TTBK2: variants seen among roughly 807,000 people sequenced by gnomAD.
The protein encoded by TTBK2 is tau-tubulin kinase 2.
Under a neutral mutation model 110.8 loss-of-function variants are expected in TTBK2, and 28 were observed. That is an observed-to-expected ratio of 0.25 (90% CI 0.19 to 0.35). The LOEUF (loss-of-function observed/expected upper bound fraction) is 0.35. Ranked by LOEUF, TTBK2 falls within the 10% of genes least tolerant of loss-of-function variation. The pLI is 1.00. For missense variants in TTBK2, 1,369 were observed against 1,500.3 expected (o/e 0.91, Z 1.45); for synonymous variants, 532 against 527.3 (o/e 1.01, Z -0.12).
intron 1 of TTBK2, among the ~76,000 whole-genome samples, chr15:42,917,571 T>C (rs1222411000): frequency 2.0e-5 from 3 of 151,896 alleles, no homozygotes; most frequent in Admixed American, 2.0e-4. Flanking sequence ...TCACCAAATA[T>C]GTACGATATT....
intron 1 of TTBK2, among the ~76,000 whole-genome samples, chr15:42,895,563 A>G (rs1014471355): frequency 8.7e-5 from 13 of 149,558 alleles, no homozygotes; most frequent in Non-Finnish European, 1.3e-4. Context: ...TTTGAGATGG[A>G]GTCTCGCTCT....
chr15:42,795,843 CAAAAAAAAA>C (rs1175589146), intron 9 of TTBK2, among the ~76,000 whole-genome samples: 5 of 48,968 alleles, frequency 1.0e-4, no homozygotes, highest in Admixed American at 6.7e-4. Flanking sequence ...AATCTTTCTC[CAAAAAAAAA>C]AAAAAAAAAA....
chr15:42,878,453 A>G, intron 2 of TTBK2, 96 bp downstream of exon 2: 1 of 1,582,580 alleles, frequency 6.3e-7, no homozygotes, highest in Non-Finnish European at 8.6e-7. Context: ...ATGAAATGCT[A>G]TTTTTATCAG....
At chr15:42,792,605 C>T (rs1890742322) in intron 10 of TTBK2, among the ~76,000 whole-genome samples, 1 of 152,114 alleles carries the variant, frequency 6.6e-6, no homozygotes, top group African/African-American at 2.4e-5. Flanking sequence ...CGAAAGACAG[C>T]TGGAGTATGG....
chr15:42,754,709 A>G (rs1413642941), intron 13 of TTBK2, among the ~76,000 whole-genome samples: 6 of 137,106 alleles, frequency 4.4e-5, no homozygotes, highest in Admixed American at 4.3e-4. Context: ...CACCTGACCA[A>G]TTTTTAAAGA....
chr15:42,889,156 T>C (rs909187599), intron 1 of TTBK2, among the ~76,000 whole-genome samples: 9 of 152,188 alleles, frequency 5.9e-5, no homozygotes, highest in South Asian at 4.1e-4. Context: ...TCTGCTATTC[T>C]ACTACTCCTC....
At chr15:42,821,030 G>C (rs1221521176) in intron 6 of TTBK2, among the ~76,000 whole-genome samples, 2 of 150,278 alleles carry the variant, frequency 1.3e-5, no homozygotes, top group Non-Finnish European at 1.5e-5. Flanking sequence ...AACAGAGTGA[G>C]ACTTTGTCTA....
At chr15:42,898,943 T>C (rs1895774581) in intron 1 of TTBK2, among the ~76,000 whole-genome samples, 1 of 152,226 alleles carries the variant, frequency 6.6e-6, no homozygotes, top group Non-Finnish European at 1.5e-5. Context: ...AATTATGTGC[T>C]GTTAAAACTC....
intron 10 of TTBK2, among the ~76,000 whole-genome samples, chr15:42,784,105 A>AT (rs1185369059): frequency 6.6e-6 from 1 of 151,882 alleles, no homozygotes; most frequent in Admixed American, 6.6e-5. Context: ...GAAAAAAAAA[A>AT]CTTAGGTCAT....
chr15:42,862,621 G>C (rs1894203729), intron 3 of TTBK2, among the ~76,000 whole-genome samples: 1 of 152,148 alleles, frequency 6.6e-6, no homozygotes, highest in Admixed American at 6.5e-5. Context: ...AGGCGCGGTG[G>C]CTCACACCTG....
chr15:42,886,826 C>A (rs1895265387), intron 1 of TTBK2, among the ~76,000 whole-genome samples: 3 of 152,226 alleles, frequency 2.0e-5, no homozygotes, highest in Non-Finnish European at 4.4e-5. Flanking sequence ...GGCCACTAGG[C>A]CAAGGAATGC....
intron 13 of TTBK2, among the ~76,000 whole-genome samples, chr15:42,757,227 C>T (rs1162860857): frequency 1.3e-5 from 2 of 151,800 alleles, no homozygotes; most frequent in East Asian, 1.9e-4. Flanking sequence ...CCACCTCAGA[C>T]TCCCAAGTAG....
rs897529434 is a variant in TTBK2, at chr15:42,910,061, T to C, written c.-68+10377A>G. Reference sequence around the variant, plus strand: ...ATGGGATTCTGAGATGCTGACAACATTTTATTTATTGAACACTGGCTTTAT... The same window carrying C: ...ATGGGATTCTGAGATGCTGACAACACTTTATTTATTGAACACTGGCTTTAT... On this transcript the variant is annotated intron_variant, in intron 1 of 14. Coordinates refer to ENST00000267890, the MANE Select transcript of TTBK2 (RefSeq NM_173500.4). Among the ~76,000 whole-genome samples, 4 of 152,302 alleles carry C rather than the reference T, an allele frequency of 2.6e-5. No homozygotes were observed. The East Asian group carries it at 7.7e-4, about 29-fold the overall frequency.
intron 13 of TTBK2, among the ~76,000 whole-genome samples, chr15:42,768,681 T>G (rs577020112): frequency 6.6e-6 from 1 of 152,338 alleles, no homozygotes; most frequent in South Asian, 2.1e-4. Context: ...ATGGCCATAC[T>G]GCCCAAGGTA....
At position 42,745,967 on chromosome 15, in the gene TTBK2, C is replaced by T. The variant is rs2061788264; in HGVS notation, c.3563G>A (p.Ser1188Asn). Residue 1188 changes from serine to asparagine, a missense_variant, in exon 15 of 15, where the codon AGC becomes AAC. Ser to Asn is a conservative substitution (Grantham distance 46). Transcript: ENST00000267890. Reference sequence around the variant, plus strand: ...TCCTGAGTGGCTGGGAGGTGACTTGCTTCTCCCCAGATGTGGGGACGAACT... The same window carrying T: ...TCCTGAGTGGCTGGGAGGTGACTTGTTTCTCCCCAGATGTGGGGACGAACT... ...QRSSSPHLGR[S>N]KSPPSHSGSS... The T allele has an allele frequency of 6.2e-7, 1 of 1,614,074 alleles. No individual in the cohort carries two copies.
At chr15:42,810,142 C>T (rs1891644694) in intron 9 of TTBK2, among the ~76,000 whole-genome samples, 1 of 152,154 alleles carries the variant, frequency 6.6e-6, no homozygotes, top group Admixed American at 6.5e-5. Flanking sequence ...GGCTCATTAA[C>T]TGATGCTCTA....
intron 9 of TTBK2, among the ~76,000 whole-genome samples, chr15:42,806,478 A>G (rs955131148): frequency 6.6e-6 from 1 of 152,184 alleles, no homozygotes; most frequent in African/African-American, 2.4e-5. Context: ...TACTTAGAAT[A>G]AAAATCCAAA....
rs992422567 is a variant in TTBK2 at position 42,906,554 on chromosome 15, A to G, written c.-68+13884T>C. ...AATGGATTAAAGACTTCTTGAATCT[A>G]AGACCTGAAACTCTGAAACTACTAG... On this transcript the variant is annotated intron_variant, in intron 1 of 14. Coordinates refer to ENST00000267890, the MANE Select transcript of TTBK2 (RefSeq NM_173500.4). 6.6e-5 allele frequency among the ~76,000 whole-genome samples: 10 copies of G among 152,320 alleles called. 1 individual carries two copies. The highest frequency in any genetic ancestry group is 3.9e-4 in the Admixed American group (6 of 15,290).
At position 42,914,559 on chromosome 15, in the gene TTBK2, G is replaced by A. The variant is rs2030974340; in HGVS notation, c.-68+5879C>T. On this transcript the variant is annotated intron_variant, in intron 1 of 14. Transcript: ENST00000267890. The stretch of plus-strand genomic sequence containing the variant: ...CAGTATTCAAGTAATTGAGGCTTGG[G>A]AGAATCCAAAGTAGAAACCCATATT... Among the ~76,000 whole-genome samples, 4 of 152,130 alleles carry A rather than the reference G, an allele frequency of 2.6e-5. No individual in the cohort carries two copies. The South Asian group carries it at 8.3e-4, about 31-fold the overall frequency.
Sources: gnomAD v4.1 joint callset for allele counts (sites outside exome capture counted in the v4.1 genomes callset) on GRCh38, gnomAD v4.1.1 for gene constraint, MANE v1.5 for transcripts, NCBI Gene and HGNC (gene_info 2026-07-23, HGNC 2026-07-21) for gene names.